MKI67: variants seen among roughly 807,000 people sequenced by gnomAD.
MKI67 encodes the protein marker of proliferation Ki-67, also known as proliferation marker protein Ki-67.
MKI67 carries 152 observed loss-of-function variants against 233.5 expected under a neutral mutation model. That is an observed-to-expected ratio of 0.65 (90% CI 0.57 to 0.74). The LOEUF (loss-of-function observed/expected upper bound fraction) is 0.74, where lower values mean the gene tolerates loss of function less well. Ranked by LOEUF, MKI67 falls within the 30% of genes least tolerant of loss-of-function variation. MKI67 has a pLI of 0.00. For missense variants in MKI67, 3,940 were observed against 3,885.2 expected (o/e 1.01, Z -0.37); for synonymous variants, 1,465 against 1,418.5 (o/e 1.03, Z -0.74).
chr10:128,112,365 G>T lies in MKI67; in HGVS notation c.1737C>A (p.Ser579Arg). Reference protein sequence around the residue: ...VEVKAQSLVISPPAPSPRKTP... With the variant: ...VEVKAQSLVIRPPAPSPRKTP... ...TTTTCCTAGGACTAGGAGCTGGAGG[G>T]CTTATAACCAAGCTTTGTGCCTTCA... is the stretch of plus-strand genomic sequence containing the variant. Residue 579 changes from serine to arginine, a missense_variant, in exon 9 of 15, where the codon AGC becomes AGA. Physicochemically the swap from Ser to Arg is moderately radical, Grantham distance 110. Transcript: ENST00000368654. 1 of 1,614,188 alleles carries T rather than the reference G, an allele frequency of 6.2e-7. No homozygotes were observed. Among genetic ancestry groups the T allele is most frequent in the Non-Finnish European group, 8.5e-7 (1 of 1,180,030 alleles).
rs530886296 is a variant in MKI67 at position 128,125,431 on chromosome 10, T to A, written c.92+145A>T. 152 of 709,106 alleles carry A rather than the reference T, an allele frequency of 2.1e-4. 3 individuals carry two copies. In the South Asian group the frequency reaches 2.3e-3, roughly 11 times the overall value. The allele number at this position is 709,106 out of a possible 1,614,324, so 43.9% of individuals were successfully genotyped here. ...CTTACAAAACAAAAAAACACAACTA[T>A]GTCAACTTAGTAACGAATGGGAGAA... On this transcript the variant is annotated intron_variant, in intron 2 of 14. Coordinates refer to ENST00000368654, the MANE Select transcript of MKI67 (RefSeq NM_002417.5). This position sits in a 1 kb window ranked among gnomAD's most constrained non-coding sequence, Gnocchi z 5.3.
chr10:128,112,103 T>G, intron 9 of MKI67, 30 bp downstream of exon 9: 1 of 1,609,458 alleles, frequency 6.2e-7, no homozygotes, highest in Non-Finnish European at 8.5e-7. Flanking sequence ...AAAATTCACC[T>G]TAATATATGT....
chr10:128,101,366 GCACATGGAGTCTGAATTT>G lies in MKI67; in HGVS notation c.9579_9596del (p.Asn3194_Cys3199del). On this transcript the variant is annotated inframe_deletion, in exon 14 of 15. Transcript: ENST00000368654. ...GGCTTTTTGTCTTTCTTGATCTCAG[GCACATGGAGTCTGAATTT>G]CCTGCTTCTCCTTTCCCTTTCTGAT... The G allele has an allele frequency of 6.2e-7, 1 of 1,614,142 alleles. No individual in the cohort carries two copies. Among genetic ancestry groups the G allele is most frequent in the Admixed American group, 1.7e-5 (1 of 60,022 alleles).
chr10:128,107,806 T>A lies in MKI67; in HGVS notation c.4034A>T (p.Asp1345Val). 2 of 1,613,782 alleles carry A rather than the reference T, an allele frequency of 1.2e-6. No individual in the cohort carries two copies. Among genetic ancestry groups the A allele is most frequent in the Non-Finnish European group, 1.7e-6 (2 of 1,179,954 alleles). Residue 1345 changes from aspartate to valine, a missense_variant, in exon 13 of 15, where the codon GAC becomes GTC. Transcript: ENST00000368654. ...TPKEEAQALE[D>V]LTGFKELFQT... ...GAAGAGCTCTTTAAAGCCAGTCAGGTCTTCCAGAGCCTGGGCCTCTTCCTT... is the reference window on the plus strand; with the variant it reads ...GAAGAGCTCTTTAAAGCCAGTCAGGACTTCCAGAGCCTGGGCCTCTTCCTT...
rs1340177604 is a variant in MKI67 at position 128,104,021 on chromosome 10, G to A, written c.7819C>T (p.Arg2607Cys). 7.4e-6 allele frequency: 12 copies of A among 1,613,886 alleles called. No individual in the cohort carries two copies. Among genetic ancestry groups the A allele is most frequent in the African/African-American group, 1.3e-5 (1 of 74,864 alleles). ...TCCTCTTTTACTTCTTTCCTGGGAC[G>A]TGTCTTGGGGCATCTCTTTGTGCTC... ...ATSTKRCPKTRPRKEVKEELS... is the reference protein window; with the variant it reads ...ATSTKRCPKTCPRKEVKEELS... The change falls in exon 13 of 15, where the codon CGT (arginine) becomes TGT (cysteine). Residue 2607 changes from arginine to cysteine, a missense_variant. Arg to Cys is a radical substitution (Grantham distance 180). Coordinates refer to ENST00000368654, the MANE Select transcript of MKI67 (RefSeq NM_002417.5).
intron 11 of MKI67, 89 bp downstream of exon 11, chr10:128,111,556 G>T: frequency 1.0e-6 from 1 of 975,696 alleles, no homozygotes; most frequent in Non-Finnish European, 1.5e-6. Flanking sequence ...CTCTTTCACA[G>T]CAGATAAACA....
intron 9 of MKI67, 28 bp from the exon 10 acceptor site, chr10:128,112,073 C>A: frequency 6.2e-7 from 1 of 1,606,016 alleles, no homozygotes; most frequent in South Asian, 1.1e-5. Context: ...CGAAACTTTT[C>A]AAAAATTAGC....
rs1032828936 is a variant in MKI67 at position 128,125,554 on chromosome 10, C to T, written c.92+22G>A. On this transcript the variant is annotated intron_variant, in intron 2 of 14. Transcript: ENST00000368654. This position sits in a 1 kb window ranked among gnomAD's most constrained non-coding sequence, Gnocchi z 5.3. ...TTTCCTCTTTCTCAGCTAAAACGTC[C>T]GCGCGCGCCCGCGGGGCTCACCTTC... is the stretch of plus-strand genomic sequence containing the variant. The T allele has an allele frequency of 2.6e-5, 41 of 1,602,952 alleles. No homozygotes were observed. In the African/African-American group the frequency reaches 3.8e-4, roughly 15 times the overall value.
intron 7 of MKI67, among the ~76,000 whole-genome samples, 188 bp downstream of exon 7, chr10:128,114,740 T>C (rs1852759423): frequency 6.6e-6 from 1 of 152,192 alleles, no homozygotes; most frequent in South Asian, 2.1e-4. Context: ...CATTCCTTGT[T>C]ACAATTACCT....
At chr10:128,116,613 T>G in intron 5 of MKI67, 77 bp from the exon 6 acceptor site, 1 of 1,409,464 alleles carries the variant, frequency 7.1e-7, no homozygotes, top group Non-Finnish European at 1.0e-6. Context: ...AAAATATTAT[T>G]TATTGTTTTC....
Position 128,104,302 on chromosome 10 carries a change from G to A in MKI67, c.7538C>T (p.Thr2513Ile). 1 of 1,614,130 alleles carries A rather than the reference G, an allele frequency of 6.2e-7. No individual in the cohort carries two copies. The highest frequency in any genetic ancestry group is 8.5e-7 in the Non-Finnish European group (1 of 1,180,018). The change falls in exon 13 of 15, where the codon ACA (threonine) becomes ATA (isoleucine). Residue 2513 changes from threonine to isoleucine, a missense_variant. Coordinates refer to ENST00000368654, the MANE Select transcript of MKI67 (RefSeq NM_002417.5). ...RTSGETTQTH[T>I]EPTGDSKSIK... ...GCTCTTACTATCTCCTGTTGGCTCTGTGTGTGTTTGCGTAGTCTCCCCTGA... is the reference window on the plus strand; with the variant it reads ...GCTCTTACTATCTCCTGTTGGCTCTATGTGTGTTTGCGTAGTCTCCCCTGA...
In MKI67 at chr10:128,104,917, T is replaced by C. The variant is rs200297314; in HGVS notation, c.6923A>G (p.Glu2308Gly). 3.7e-6 allele frequency: 6 copies of C among 1,612,228 alleles called. No individual in the cohort carries two copies. In the East Asian group the frequency reaches 1.3e-4, roughly 36 times the overall value. ...CAGGTCTTCTAGAGCCTGGGCCTTTTCCTTAGGAGTTTGTGGCCATCTTTT... is the reference window on the plus strand; with the variant it reads ...CAGGTCTTCTAGAGCCTGGGCCTTTCCCTTAGGAGTTTGTGGCCATCTTTT... Reference protein sequence around the residue: ...GSKRWPQTPKEKAQALEDLAG... With the variant: ...GSKRWPQTPKGKAQALEDLAG... Residue 2308 changes from glutamate to glycine, a missense_variant, in exon 13 of 15, where the codon GAA becomes GGA. Glu to Gly is a moderately conservative substitution (Grantham distance 98). Transcript: ENST00000368654.
chr10:128,108,682 T>C lies in MKI67; in HGVS notation c.3158A>G (p.His1053Arg), dbSNP rs1449009088. The C allele has an allele frequency of 9.9e-6, 16 of 1,614,196 alleles. No homozygotes were observed. The highest frequency in any genetic ancestry group is 1.4e-5 in the Non-Finnish European group (16 of 1,180,036). ...ATCTCCTGCTGGCTCTCTGTGCGTG[T>C]GCGTGGTCTCCCCTGACGTCCGTGT... ...KFTRTSGETT[H>R]THREPAGDGK... The change falls in exon 13 of 15, where the codon CAC becomes CGC. Residue 1053 changes from histidine to arginine, a missense_variant. Physicochemically the swap from His to Arg is conservative, Grantham distance 29. Transcript: ENST00000368654.
At position 128,115,495 on chromosome 10, in the gene MKI67, C is replaced by G; in HGVS notation, c.913G>C (p.Glu305Gln). ...KSGGSGHAVA[E>Q]PASPEQELDQ... The stretch of plus-strand genomic sequence containing the variant: ...AGCTCTTGTTCAGGTGAAGCAGGCT[C>G]TGCCACAGCGTGGCCGCTCCCACCA... The change falls in exon 7 of 15, where the codon GAG (glutamate) becomes CAG (glutamine). Residue 305 changes from glutamate (E) to glutamine (Q), a missense_variant. Glu to Gln is a conservative substitution (Grantham distance 29). Coordinates refer to ENST00000368654, the MANE Select transcript of MKI67 (RefSeq NM_002417.5). The G allele has an allele frequency of 6.2e-7, 1 of 1,614,162 alleles. No individual in the cohort carries two copies. Among genetic ancestry groups the G allele is most frequent in the Non-Finnish European group, 8.5e-7 (1 of 1,180,024 alleles).
At position 128,115,549 on chromosome 10, in the gene MKI67, A is replaced by C. The variant is rs1360410168; in HGVS notation, c.859T>G (p.Leu287Val). 6.2e-7 allele frequency: 1 copy of C among 1,614,200 alleles called. No individual in the cohort carries two copies. Among genetic ancestry groups the C allele is most frequent in the Non-Finnish European group, 8.5e-7 (1 of 1,180,036 alleles). Reference sequence around the variant, plus strand: ...TTTGGTCTTGACTTACGCGAGACCAACAGTTGGGTCTCCCCCTGTAAACCA... The same window carrying C: ...TTTGGTCTTGACTTACGCGAGACCACCAGTTGGGTCTCCCCCTGTAAACCA... ...ADGLQGETQL[L>V]VSRKSRPKSG... Residue 287 changes from leucine to valine, a missense_variant, in exon 7 of 15, where the codon TTG (leucine) becomes GTG (valine). Coordinates refer to ENST00000368654, the MANE Select transcript of MKI67 (RefSeq NM_002417.5).
rs1352377769 is a variant in MKI67 at position 128,101,348 on chromosome 10, T to G, written c.9615A>C (p.Thr3205=). 1.2e-6 allele frequency: 2 copies of G among 1,614,222 alleles called. No individual in the cohort carries two copies. Among genetic ancestry groups the G allele is most frequent in the Non-Finnish European group, 1.7e-6 (2 of 1,180,028 alleles). Residue 3205 remains threonine, a synonymous_variant, in exon 14 of 15, where the codon ACA becomes ACC. Transcript: ENST00000368654. ...SDSMCLRSRK[T]KSQPAASTLE... ...AAGTGCTTGCTGCAGGCTGGCTTTT[T>G]GTCTTTCTTGATCTCAGGCACATGG...
chr10:128,103,914 G>T lies in MKI67; in HGVS notation c.7926C>A (p.Gly2642=). The change falls in exon 13 of 15, where the codon GGC becomes GGA. Residue 2642 remains glycine, a synonymous_variant. Transcript: ENST00000368654. ...TTGCACGTTGCTTCAATACTTTGATGCCCTCATCACCGCTTGCTGGTTCTT... is the reference window on the plus strand; with the variant it reads ...TTGCACGTTGCTTCAATACTTTGATTCCCTCATCACCGCTTGCTGGTTCTT... ...THKEPASGDE[G]IKVLKQRAKK... is the part of the protein sequence containing the mutation. 1 of 1,614,028 alleles carries T rather than the reference G, an allele frequency of 6.2e-7. No individual in the cohort carries two copies. Among genetic ancestry groups the T allele is most frequent in the Non-Finnish European group, 8.5e-7 (1 of 1,180,024 alleles).
intron 14 of MKI67, among the ~76,000 whole-genome samples, chr10:128,100,755 G>A (rs1852318992): frequency 1.3e-5 from 2 of 152,128 alleles, no homozygotes; most frequent in Non-Finnish European, 2.9e-5. Context: ...AGGGTTGGAG[G>A]GCAGACGCAT....
chr10:128,122,509 A>T (rs140955401), intron 4 of MKI67, among the ~76,000 whole-genome samples: 4 of 152,326 alleles, frequency 2.6e-5, no homozygotes, highest in African/African-American at 9.6e-5. Context: ...GGGTGTTCAC[A>T]TGATAAATTG....
Sources: gnomAD v4.1 joint callset for allele counts (sites outside exome capture counted in the v4.1 genomes callset) on GRCh38, gnomAD v4.1.1 for gene constraint, Gnocchi (gnomAD v3.1) non-coding constraint, MANE v1.5 for transcripts, NCBI Gene and HGNC (gene_info 2026-07-23, HGNC 2026-07-21) for gene names.